LPP: variants seen among roughly 807,000 people sequenced by gnomAD.
LPP encodes the protein LIM domain containing preferred translocation partner in lipoma.
A neutral mutation model predicts 60.4 loss-of-function variants in LPP; 38 were observed. That is an observed-to-expected ratio of 0.63 (90% CI 0.49 to 0.83). The LOEUF (loss-of-function observed/expected upper bound fraction) is 0.83, where lower values mean the gene tolerates loss of function less well. Ranked by LOEUF, LPP falls within the 40% of genes least tolerant of loss-of-function variation. The pLI, the probability that LPP is intolerant of heterozygous loss-of-function variation, is 0.00. For synonymous variants in LPP, 328 were observed against 290.8 expected, an observed-to-expected ratio of 1.13 and a Z score of -1.30; for missense variants, 902 against 783.6, an observed-to-expected ratio of 1.15 and a Z score of -1.80.
rs1769967686 is a variant in LPP, at chr3:188,881,158, A to AAAAAAAAAAAAAAAAAAAAAAAG, written c.*6679_*6680insAAAAAAAAAAAAAAAAAAAAAAG. The stretch of plus-strand genomic sequence containing the variant: ...CCGTCTCAAAAAAAAAAAAAAAAAA[A>AAAAAAAAAAAAAAAAAAAAAAAG]TAGGATCATGGCCCTTTTAAAGATC... On this transcript the variant is annotated 3_prime_UTR_variant, in exon 12 of 12. Transcript: ENST00000617246. 6.2e-6 allele frequency: 1 copy of AAAAAAAAAAAAAAAAAAAAAAAG among 161,068 alleles called. No homozygotes were observed. 10.0% of individuals were successfully genotyped at this position (161,068 alleles called of 1,614,324 possible). A position where few individuals can be genotyped will look rare whatever the true frequency, so the allele number is the denominator to read the frequency against.
chr3:188,213,864 G>C (rs13091770), intron 1 of LPP, among the ~76,000 whole-genome samples: 5,125 of 151,534 alleles, frequency 0.034, 130 homozygotes, highest in South Asian at 0.076. Flanking sequence ...ATTCAGCAAG[G>C]CTTCCCATCT....
chr3:188,888,468 C>T lies in LPP; in HGVS notation c.*13989C>T. ...CTACAGTTAAGTTGGCAAGACTTCC[C>T]CAGCTCTGAATATAGCCATTTGCCG... is the stretch of plus-strand genomic sequence containing the variant. On this transcript the variant is annotated 3_prime_UTR_variant, in exon 12 of 12. Transcript: ENST00000617246. 4.4e-6 allele frequency: 1 copy of T among 227,926 alleles called. No homozygotes were observed. The highest frequency in any genetic ancestry group is 2.2e-5 in the African/African-American group (1 of 45,164). 14.1% of individuals were successfully genotyped at this position (227,926 alleles called of 1,614,324 possible). A position where few individuals can be genotyped will look rare whatever the true frequency, so the allele number is the denominator to read the frequency against.
chr3:188,584,082 G>A (rs1836875075), intron 6 of LPP, among the ~76,000 whole-genome samples: 1 of 152,240 alleles, frequency 6.6e-6, no homozygotes. Flanking sequence ...GTTTGGCCTC[G>A]GGTGGGAGTC....
chr3:188,286,923 G>C (rs963200697), intron 2 of LPP, among the ~76,000 whole-genome samples: 1 of 152,064 alleles, frequency 6.6e-6, no homozygotes, highest in African/African-American at 2.4e-5. Flanking sequence ...TTTTTGAGAT[G>C]GGATTTCTCT....
intron 2 of LPP, among the ~76,000 whole-genome samples, chr3:188,283,362 G>A (rs1742771678): frequency 6.6e-6 from 1 of 152,170 alleles, no homozygotes; most frequent in Non-Finnish European, 1.5e-5. Flanking sequence ...AAGCAGACAT[G>A]CCAAGTTGCT....
chr3:188,871,625 TCTTAAAACCA>T (rs1768114973), intron 10 of LPP, among the ~76,000 whole-genome samples: 1 of 152,366 alleles, frequency 6.6e-6, no homozygotes, highest in East Asian at 1.9e-4. Flanking sequence ...ACATCGTTTA[TCTTAAAACCA>T]GTACCATGAA....
At chr3:188,803,966 A>C (rs1430871433) in intron 9 of LPP, among the ~76,000 whole-genome samples, 1 of 151,748 alleles carries the variant, frequency 6.6e-6, no homozygotes, top group Non-Finnish European at 1.5e-5. Context: ...TTAGATTGTT[A>C]ATTTCTTTAA....
chr3:188,241,038 C>T (rs532710997), intron 2 of LPP, among the ~76,000 whole-genome samples: 3 of 152,216 alleles, frequency 2.0e-5, no homozygotes, highest in East Asian at 1.9e-4. Context: ...TTAGAGGTAG[C>T]AAGACAGTGA....
chr3:188,613,975 TG>T (rs915586800), intron 7 of LPP, among the ~76,000 whole-genome samples: 8 of 151,672 alleles, frequency 5.3e-5, no homozygotes, highest in African/African-American at 1.9e-4. Context: ...TCACCCAGGC[TG>T]GGGTGCAATG....
In LPP at chr3:188,783,811, C is replaced by T. The variant is rs549146750; in HGVS notation, c.1410+23529C>T. 3.3e-5 allele frequency among the ~76,000 whole-genome samples: 5 copies of T among 152,220 alleles called. No homozygotes were observed. The South Asian group carries it at 1.0e-3, about 32-fold the overall frequency. ...CCCTTCATAGACTAGCTGAGGACAT[C>T]AGGGACTTCCATGTTGCCAAAACCG... On this transcript the variant is annotated intron_variant, in intron 9 of 11. Transcript: ENST00000617246.
intron 2 of LPP, among the ~76,000 whole-genome samples, chr3:188,319,877 T>C (rs1054159625): frequency 6.6e-6 from 1 of 152,082 alleles, no homozygotes; most frequent in African/African-American, 2.4e-5. Flanking sequence ...GATGCTGCTG[T>C]GCATTTAGTC....
intron 7 of LPP, among the ~76,000 whole-genome samples, chr3:188,660,710 A>T (rs1854388059): frequency 6.6e-6 from 1 of 151,816 alleles, no homozygotes; most frequent in Non-Finnish European, 1.5e-5. Flanking sequence ...TTCACAGTCA[A>T]ACTGAGCAGA....
intron 9 of LPP, among the ~76,000 whole-genome samples, chr3:188,787,447 C>T (rs762907508): frequency 3.9e-5 from 6 of 152,058 alleles, no homozygotes; most frequent in Non-Finnish European, 5.9e-5. Flanking sequence ...CACACACATA[C>T]ATCTAAGCTT....
At chr3:188,692,379 CA>C (rs2149485456) in intron 7 of LPP, among the ~76,000 whole-genome samples, 1 of 152,320 alleles carries the variant, frequency 6.6e-6, no homozygotes, top group South Asian at 2.1e-4. Flanking sequence ...TTTACATTTG[CA>C]TTTACTTGAA....
intron 7 of LPP, among the ~76,000 whole-genome samples, chr3:188,613,906 T>A (rs200624756): frequency 7.0e-6 from 1 of 143,626 alleles, no homozygotes; most frequent in Non-Finnish European, 1.5e-5. Context: ...AAATTAATTT[T>A]ATTTATTTAT....
At chr3:188,166,072 G>A (rs1719848730) in intron 1 of LPP, among the ~76,000 whole-genome samples, 1 of 152,154 alleles carries the variant, frequency 6.6e-6, no homozygotes, top group Non-Finnish European at 1.5e-5. Flanking sequence ...AGATATTCAA[G>A]CAGTGACTGA....
intron 3 of LPP, among the ~76,000 whole-genome samples, chr3:188,405,707 A>T (rs1458667447): frequency 2.6e-5 from 4 of 152,160 alleles, no homozygotes; most frequent in Non-Finnish European, 4.4e-5. Context: ...TTAATAGATT[A>T]TTAATAAAAT....
In LPP at chr3:188,703,292, C is replaced by T. The variant is rs541590121; in HGVS notation, c.1114-4975C>T. Among the ~76,000 whole-genome samples, 3 of 152,262 alleles carry T rather than the reference C, an allele frequency of 2.0e-5. No individual in the cohort carries two copies. The East Asian group carries it at 5.8e-4, about 29-fold the overall frequency. On this transcript the variant is annotated intron_variant, in intron 7 of 11. Coordinates refer to ENST00000617246, the MANE Select transcript of LPP (RefSeq NM_001375462.1). Reference sequence around the variant, plus strand: ...TACCCATACAATATGCTAGAAGTTGCTTATTAACAAATAAGTTGGACACAG... The same window carrying T: ...TACCCATACAATATGCTAGAAGTTGTTTATTAACAAATAAGTTGGACACAG...
chr3:188,462,869 G>A (rs578025495), intron 4 of LPP, among the ~76,000 whole-genome samples: 2 of 151,894 alleles, frequency 1.3e-5, no homozygotes, highest in South Asian at 4.1e-4. Flanking sequence ...CACTTTGGGA[G>A]GCCGAGGCTG....
Sources: allele counts gnomAD v4.1 joint callset (sites outside exome capture counted in the v4.1 genomes callset), GRCh38; gene constraint gnomAD v4.1.1; transcripts MANE v1.5; gene names NCBI Gene and HGNC (gene_info 2026-07-23, HGNC 2026-07-21).